The following CLCN6 variants were observed in gnomAD, a reference collection of about 807,000 sequenced individuals.
The protein encoded by CLCN6 is H(+)/Cl(-) exchange transporter 6.
CLCN6 carries 70 observed loss-of-function variants against 109.8 expected under a neutral mutation model. The observed-to-expected ratio is 0.64, with a 90% confidence interval of 0.53 to 0.78. The LOEUF is 0.78. CLCN6 is among the 30% of genes least tolerant of loss of function. The probability of loss-of-function intolerance (pLI) is 0.00; values close to 1 mark genes in which losing one functional copy is unlikely to be tolerated. For missense variants in CLCN6, 984 were observed against 1,142.3 expected, an observed-to-expected ratio of 0.86 and a Z score of 2.00; for synonymous variants, 444 against 447.8, an observed-to-expected ratio of 0.99 and a Z score of 0.11.
intron 4 of CLCN6, among the ~76,000 whole-genome samples, chr1:11,817,324 G>T (rs531182459): frequency 6.6e-6 from 1 of 152,336 alleles, no homozygotes; most frequent in South Asian, 2.1e-4. Context: ...CAGCGTGCCA[G>T]TGAACAGGGT....
intron 20 of CLCN6, 146 bp from the exon 21 acceptor site, chr1:11,838,189 C>T: frequency 2.7e-6 from 2 of 727,706 alleles, no homozygotes; most frequent in Non-Finnish European, 2.3e-6. Context: ...CTGGAGAGCT[C>T]TCACTCTGGA....
intron 2 of CLCN6, 21 bp from the exon 3 acceptor site, chr1:11,815,825 C>T: frequency 6.2e-7 from 1 of 1,608,956 alleles, no homozygotes; most frequent in South Asian, 1.1e-5. Context: ...GACCTTTTGA[C>T]TCAACTTTGC....
At chr1:11,836,953 T>C in intron 18 of CLCN6, 46 bp from the exon 19 acceptor site, 1 of 1,598,360 alleles carries the variant, frequency 6.3e-7, no homozygotes, top group Non-Finnish European at 8.5e-7. Flanking sequence ...AGTACTGCTG[T>C]GTTCGTTTGC....
At chr1:11,829,047 AT>A (rs1459789061) in intron 12 of CLCN6, 148 bp from the exon 13 acceptor site, 2 of 900,510 alleles carry the variant, frequency 2.2e-6, no homozygotes, top group African/African-American at 3.3e-5. Flanking sequence ...CAAATCACGG[AT>A]CAATTCTGCA....
At chr1:11,838,247 A>G (rs925822151) in intron 20 of CLCN6, 88 bp from the exon 21 acceptor site, 1 of 1,157,726 alleles carries the variant, frequency 8.6e-7, no homozygotes, top group Non-Finnish European at 1.3e-6. Context: ...GGAGCTGGGC[A>G]TATTCAGGCA....
rs1231180005 is a variant in CLCN6, at chr1:11,823,692, GCT to G, written c.454-11_454-10del. 5 of 1,614,072 alleles carry G rather than the reference GCT, an allele frequency of 3.1e-6. No homozygotes were observed. Among genetic ancestry groups the G allele is most frequent in the Non-Finnish European group, 4.2e-6 (5 of 1,179,950 alleles). Reference sequence around the variant, plus strand: ...TGGATTTCGAGTTATGGGTGTGCCTGCTCTCCTCCATCAGCCGGTGGCAGCAG... The same window carrying G: ...TGGATTTCGAGTTATGGGTGTGCCTGCTCCTCCATCAGCCGGTGGCAGCAG... On this transcript the variant is annotated splice_polypyrimidine_tract_variant and intron_variant, in intron 6 of 22. Coordinates refer to ENST00000346436, the MANE Select transcript of CLCN6 (RefSeq NM_001286.5).
At position 11,837,504 on chromosome 1, in the gene CLCN6, G is replaced by A; in HGVS notation, c.2295+5G>A. 6.2e-7 allele frequency: 1 copy of A among 1,612,322 alleles called. No homozygotes were observed. The highest frequency in any genetic ancestry group is 8.5e-7 in the Non-Finnish European group (1 of 1,178,550). On this transcript the variant is annotated splice_donor_5th_base_variant and intron_variant, in intron 20 of 22. Transcript: ENST00000346436. ...TGTTACTCTGAAAGCCAGTCGGTAA[G>A]TCTCTCCGAGGCAGAAATCAGCCAG...
chr1:11,833,890 C>A lies in CLCN6; in HGVS notation c.1386C>A (p.Pro462=). ...CTTCCCTTGCAGGTACTTTCAGCCC[C>A]GTCACTCTGGCCTTGTTCTTCGTTC... ...QLFHQDGTFS[P]VTLALFFVLY... Residue 462 remains proline, a synonymous_variant, in exon 15 of 23, where the codon CCC becomes CCA. Transcript: ENST00000346436. 6.2e-7 allele frequency: 1 copy of A among 1,610,988 alleles called. No homozygotes were observed. Among genetic ancestry groups the A allele is most frequent in the Non-Finnish European group, 8.5e-7 (1 of 1,178,818 alleles).
intron 19 of CLCN6, 22 bp downstream of exon 19, chr1:11,837,178 C>A: frequency 6.2e-7 from 1 of 1,610,824 alleles, no homozygotes; most frequent in East Asian, 2.2e-5. Flanking sequence ...GCGGGGCCCC[C>A]ACTGCCCGCA....
At chr1:11,817,977 T>G (rs1275314364) in intron 4 of CLCN6, among the ~76,000 whole-genome samples, 1 of 152,070 alleles carries the variant, frequency 6.6e-6, no homozygotes, top group African/African-American at 2.4e-5. Flanking sequence ...TCTCAGGGTG[T>G]TGGGCCAGGG....
At chr1:11,833,426 C>T (rs1481454523) in intron 13 of CLCN6, 89 bp from the exon 14 acceptor site, 9 of 1,326,186 alleles carry the variant, frequency 6.8e-6, no homozygotes, top group Non-Finnish European at 9.6e-6. Context: ...AGCTGTGCAG[C>T]CACCTGTTTT....
At position 11,835,870 on chromosome 1, in the gene CLCN6, G is replaced by C. The variant is rs927690641; in HGVS notation, c.1794-97G>C. ...GCAGTTCAGAAGAGCCCCCCACCCC[G>C]CCCGTGGTCTGAGCAGGGCTGGAGA... On this transcript the variant is annotated intron_variant, in intron 17 of 22. Coordinates refer to ENST00000346436, the MANE Select transcript of CLCN6 (RefSeq NM_001286.5). 9.6e-5 allele frequency: 85 copies of C among 886,072 alleles called. No homozygotes were observed. In the East Asian group the frequency reaches 1.1e-3, roughly 11 times the overall value. 54.9% of individuals were successfully genotyped at this position (886,072 alleles called of 1,614,324 possible).
At position 11,838,625 on chromosome 1, in the gene CLCN6, C is replaced by A. The variant is rs1482024682; in HGVS notation, c.2494C>A (p.Leu832Met). Residue 832 changes from leucine (L) to methionine (M), a missense_variant, in exon 22 of 23, where the codon CTG becomes ATG. Transcript: ENST00000346436. ...CTTCAACCTGTTCAGAACGATGGGC[C>A]TGCGCCACCTGCCCGTGGTGAACGC... ...QVFNLFRTMG[L>M]RHLPVVNAVG... 6.2e-7 allele frequency: 1 copy of A among 1,614,256 alleles called. No individual in the cohort carries two copies. The highest frequency in any genetic ancestry group is 1.7e-5 in the Admixed American group (1 of 60,030).
rs973983362 is a variant in CLCN6, at chr1:11,834,469, T to C, written c.1687-15T>C. 1 of 1,614,020 alleles carries C rather than the reference T, an allele frequency of 6.2e-7. No homozygotes were observed. On this transcript the variant is annotated splice_polypyrimidine_tract_variant and intron_variant, in intron 16 of 22. Coordinates refer to ENST00000346436, the MANE Select transcript of CLCN6 (RefSeq NM_001286.5). This position sits in a 1 kb window ranked among gnomAD's most constrained non-coding sequence, Gnocchi z 4.5. The stretch of plus-strand genomic sequence containing the variant: ...CCCACAGGACCTATTTTTAGGTCTT[T>C]GCTTTGTGTTTCAGGTGGCCAAATG...
At chr1:11,833,751 C>T (rs1335203702) in intron 14 of CLCN6, 113 bp downstream of exon 14, 3 of 1,564,652 alleles carry the variant, frequency 1.9e-6, no homozygotes, top group Non-Finnish European at 1.7e-6. Flanking sequence ...CCCACCCAGA[C>T]AAAAGATTGG....
intron 7 of CLCN6, 22 bp downstream of exon 7, chr1:11,823,855 T>G (rs1306560922): frequency 6.2e-7 from 1 of 1,613,528 alleles, no homozygotes; most frequent in South Asian, 1.1e-5. Flanking sequence ...CCAACTTGTA[T>G]CCTTCAAATA....
At position 11,807,529 on chromosome 1, in the gene CLCN6, T is replaced by C. The variant is rs7555471; in HGVS notation, c.147+339T>C. ...GTATGTGCCCCTAACAGGTGTGTGC[T>C]TATAAACTGTTAAGGAGGCCTTGCT... On this transcript the variant is annotated intron_variant, in intron 2 of 22. Coordinates refer to ENST00000346436, the MANE Select transcript of CLCN6 (RefSeq NM_001286.5). Among the ~76,000 whole-genome samples the C allele has an allele frequency of 7.8e-3, 1,182 of 152,346 alleles. 16 individuals are homozygous for C. The highest frequency in any genetic ancestry group is 0.027 in the African/African-American group (1,106 of 41,584).
intron 8 of CLCN6, 88 bp from the exon 9 acceptor site, chr1:11,826,067 CT>C (rs3216184): frequency 0.15 from 111,353 of 754,956 alleles, 716 homozygotes; most frequent in Non-Finnish European, 0.16. Context: ...GACCTGTGTT[CT>C]TTTTTTTTTT....
At chr1:11,820,279 C>A in intron 5 of CLCN6, 1 of 680,094 alleles carries the variant, frequency 1.5e-6, no homozygotes, top group Non-Finnish European at 2.7e-6. Flanking sequence ...CATAGCAAGA[C>A]CCTGTCTTAA....
Sources: gnomAD v4.1 joint callset for allele counts (sites outside exome capture counted in the v4.1 genomes callset) on GRCh38, gnomAD v4.1.1 for gene constraint, Gnocchi (gnomAD v3.1) non-coding constraint, MANE v1.5 for transcripts, NCBI Gene and HGNC (gene_info 2026-07-23, HGNC 2026-07-21) for gene names.